The following EYS variants were observed in gnomAD, a reference collection of about 807,000 sequenced individuals.
EYS encodes the protein protein eyes shut homolog.
EYS carries 250 observed loss-of-function variants against 282.1 expected under a neutral mutation model. The ratio of observed to expected loss-of-function variants is 0.89; its 90% confidence interval spans 0.80 to 0.98. The LOEUF (loss-of-function observed/expected upper bound fraction) is 0.98. EYS is among the 50% of genes least tolerant of loss of function. The pLI, the probability that EYS is intolerant of heterozygous loss-of-function variation, is 0.00. For missense variants in EYS, 4,016 were observed against 3,709.0 expected, an observed-to-expected ratio of 1.08 and a Z score of -2.15; for synonymous variants, 1,355 against 1,282.9, an observed-to-expected ratio of 1.06 and a Z score of -1.20.
chr6:65,164,749 G>T (rs1764932126), intron 12 of EYS, among the ~76,000 whole-genome samples: 2 of 151,242 alleles, frequency 1.3e-5, no homozygotes, highest in African/African-American at 2.4e-5. Context: ...ACTTCGGAGT[G>T]CTGTGAAAAA....
chr6:63,898,584 A>G (rs184414819), intron 35 of EYS, among the ~76,000 whole-genome samples: 12 of 152,178 alleles, frequency 7.9e-5, no homozygotes, highest in Admixed American at 7.9e-4. Context: ...TAAAGATATA[A>G]TTTTTAAACA....
chr6:64,692,684 A>T (rs1364002177), intron 22 of EYS, among the ~76,000 whole-genome samples: 1 of 152,168 alleles, frequency 6.6e-6, no homozygotes, highest in Admixed American at 6.5e-5. Context: ...AATGGTAGGC[A>T]TCCAGCTTCA....
intron 29 of EYS, among the ~76,000 whole-genome samples, chr6:64,383,877 A>G (rs1772825202): frequency 6.6e-6 from 1 of 152,146 alleles, no homozygotes; most frequent in South Asian, 2.1e-4. Context: ...AGAGCTGAAA[A>G]AGGTTGACAC....
At chr6:64,932,419 G>T (rs776355704) in intron 15 of EYS, among the ~76,000 whole-genome samples, 2 of 152,028 alleles carry the variant, frequency 1.3e-5, no homozygotes, top group Non-Finnish European at 1.5e-5. Context: ...AAAATAATCA[G>T]TGGCAATTGC....
At chr6:65,479,919 G>A (rs774567378) in intron 5 of EYS, among the ~76,000 whole-genome samples, 8 of 151,536 alleles carry the variant, frequency 5.3e-5, no homozygotes, top group African/African-American at 9.7e-5. Flanking sequence ...ACTTGGGGAG[G>A]CCAAGGCAGG....
intron 14 of EYS, among the ~76,000 whole-genome samples, chr6:64,973,464 GT>G (rs753682213): frequency 2.6e-5 from 4 of 152,014 alleles, no homozygotes; most frequent in Non-Finnish European, 5.9e-5. Flanking sequence ...AGCTTGGCGG[GT>G]TATGTGATTT....
At chr6:64,698,372 C>T (rs1385807810) in intron 22 of EYS, among the ~76,000 whole-genome samples, 1 of 151,680 alleles carries the variant, frequency 6.6e-6, no homozygotes, top group Non-Finnish European at 1.5e-5. Context: ...TATAAGGGCT[C>T]AACAAAATAA....
chr6:64,195,505 A>G (rs1417842225), intron 31 of EYS, among the ~76,000 whole-genome samples: 1 of 151,908 alleles, frequency 6.6e-6, no homozygotes, highest in Admixed American at 6.6e-5. Flanking sequence ...GTTTCACCAT[A>G]TTGGCCAGGC....
At chr6:64,941,407 G>A (rs1229288864) in intron 15 of EYS, among the ~76,000 whole-genome samples, 1 of 151,812 alleles carries the variant, frequency 6.6e-6, no homozygotes, top group Non-Finnish European at 1.5e-5. Flanking sequence ...ATATATACGT[G>A]GTTATTAAGC....
At chr6:65,213,822 A>G (rs1766238921) in intron 12 of EYS, among the ~76,000 whole-genome samples, 1 of 152,078 alleles carries the variant, frequency 6.6e-6, no homozygotes, top group African/African-American at 2.4e-5. Flanking sequence ...TGCACCTCTC[A>G]GGTTAAATCA....
intron 31 of EYS, among the ~76,000 whole-genome samples, chr6:64,154,639 C>T (rs1450259291): frequency 2.0e-5 from 3 of 151,880 alleles, no homozygotes; most frequent in Non-Finnish European, 4.4e-5. Flanking sequence ...AATATGTGCT[C>T]TTTATCAGAA....
chr6:65,030,405 T>A (rs1362570227), intron 13 of EYS, among the ~76,000 whole-genome samples: 1 of 152,018 alleles, frequency 6.6e-6, no homozygotes, highest in African/African-American at 2.4e-5. Context: ...ATCCCCACAC[T>A]GCAGCCTCCC....
intron 14 of EYS, among the ~76,000 whole-genome samples, chr6:64,963,850 G>A (rs986906724): frequency 6.6e-6 from 1 of 152,028 alleles, no homozygotes; most frequent in African/African-American, 2.4e-5. Flanking sequence ...TATATAAAAT[G>A]CTGACCAACA....
intron 35 of EYS, among the ~76,000 whole-genome samples, chr6:63,876,512 A>G (rs1772975999): frequency 6.6e-6 from 1 of 152,136 alleles, no homozygotes; most frequent in East Asian, 1.9e-4. Context: ...GCTGAGTTCA[A>G]TTCCTGGATA....
rs182895361 is a variant in EYS, at chr6:64,400,120, C to A, written c.5928-11280G>T. Among the ~76,000 whole-genome samples, 385 of 151,930 alleles carry A rather than the reference C, an allele frequency of 2.5e-3. 2 individuals are homozygous for A. The highest frequency in any genetic ancestry group is 3.7e-3 in the Non-Finnish European group (251 of 67,854). On this transcript the variant is annotated intron_variant, in intron 28 of 42. Transcript: ENST00000503581. ...AGGGAAATTATTTATAGATATATTG[C>A]ATTTGAGGTTTTTCCTTGAAAGTTA...
chr6:64,844,117 A>G (rs1245560641), intron 19 of EYS, among the ~76,000 whole-genome samples: 2 of 152,138 alleles, frequency 1.3e-5, no homozygotes, highest in Non-Finnish European at 2.9e-5. Flanking sequence ...CTGTAAGTCC[A>G]ATTAAACCTC....
intron 22 of EYS, among the ~76,000 whole-genome samples, chr6:64,722,373 G>T (rs1771612782): frequency 6.6e-6 from 1 of 152,022 alleles, no homozygotes; most frequent in South Asian, 2.1e-4. Flanking sequence ...ATTTTACACA[G>T]CCCAAGGCAA....
chr6:63,841,499 T>G (rs1771958154), intron 36 of EYS, among the ~76,000 whole-genome samples: 2 of 152,222 alleles, frequency 1.3e-5, no homozygotes, highest in African/African-American at 4.8e-5. Context: ...TTAAATGAGA[T>G]AAACTGTATA....
At chr6:65,115,972 T>TCTAC (rs1775362259) in intron 12 of EYS, among the ~76,000 whole-genome samples, 1 of 146,736 alleles carries the variant, frequency 6.8e-6, no homozygotes, top group South Asian at 2.2e-4. Flanking sequence ...ATCTAATCTA[T>TCTAC]CTATCTATCT....
Sources: allele counts gnomAD v4.1 joint callset (sites outside exome capture counted in the v4.1 genomes callset), GRCh38; gene constraint gnomAD v4.1.1; transcripts MANE v1.5; gene names NCBI Gene and HGNC (gene_info 2026-07-23, HGNC 2026-07-21).